TOM1L2: variants seen among roughly 807,000 people sequenced by gnomAD.
TOM1L2 encodes the protein target of myb1 like 2 membrane trafficking protein, also known as TOM1-like protein 2.
TOM1L2 carries 31 observed loss-of-function variants against 67.9 expected under a neutral mutation model. The ratio of observed to expected loss-of-function variants is 0.46; its 90% confidence interval spans 0.34 to 0.62. The LOEUF is 0.62. TOM1L2 is among the 20% of genes least tolerant of loss of function. TOM1L2 has a pLI of 0.01. For missense variants in TOM1L2, 606 were observed against 663.5 expected (o/e 0.91, Z 0.95); for synonymous variants, 256 against 254.0 (o/e 1.01, Z -0.07).
At chr17:17,926,213 C>T (rs933876678) in intron 1 of TOM1L2, among the ~76,000 whole-genome samples, 1 of 151,594 alleles carries the variant, frequency 6.6e-6, no homozygotes, top group Non-Finnish European at 1.5e-5. Context: ...AGCTTTCAAG[C>T]TGGCCTAAAC....
intron 11 of TOM1L2, among the ~76,000 whole-genome samples, 182 bp from the exon 12 acceptor site, chr17:17,861,733 T>C (rs575668904): frequency 6.6e-6 from 1 of 152,284 alleles, no homozygotes; most frequent in East Asian, 1.9e-4. Flanking sequence ...CTCCCTGCAG[T>C]GGATGCTAGG....
chr17:17,951,023 T>G (rs956942011), intron 1 of TOM1L2, among the ~76,000 whole-genome samples: 8 of 152,160 alleles, frequency 5.3e-5, no homozygotes, highest in Non-Finnish European at 7.4e-5. Flanking sequence ...GCAGGATGTC[T>G]CCAGGGATCT....
chr17:17,898,914 C>T (rs1321355397), intron 2 of TOM1L2, among the ~76,000 whole-genome samples: 1 of 152,214 alleles, frequency 6.6e-6, no homozygotes, highest in Non-Finnish European at 1.5e-5. Context: ...CCAATATACA[C>T]CAAACTCAAA....
intron 1 of TOM1L2, among the ~76,000 whole-genome samples, chr17:17,940,336 CA>C (rs1186166339): frequency 4.6e-5 from 7 of 151,190 alleles, no homozygotes; most frequent in African/African-American, 2.4e-5. Context: ...TAGCTTTATA[CA>C]ACCCTATGCA....
chr17:17,912,760 C>T (rs1201826060), intron 1 of TOM1L2, among the ~76,000 whole-genome samples: 1 of 151,834 alleles, frequency 6.6e-6, no homozygotes, highest in African/African-American at 2.4e-5. Flanking sequence ...CAGGCAGAGA[C>T]GCTCCTCACT....
In TOM1L2 at chr17:17,882,756, C is replaced by G; in HGVS notation, c.609G>C (p.Pro203=). The part of the protein sequence containing the change: ...SSPPPAPYSA[P]QAPALSVTGP... ...CAGTCACACTCAGAGCTGGGGCCTG[C>G]GGTGCGGAGTAGGGAGCAGGAGGCG... Residue 203 remains proline, a synonymous_variant, in exon 6 of 15, where the codon CCG becomes CCC. Transcript: ENST00000379504. 6.2e-7 allele frequency: 1 copy of G among 1,614,178 alleles called. No homozygotes were observed. The highest frequency in any genetic ancestry group is 8.5e-7 in the Non-Finnish European group (1 of 1,180,028).
At chr17:17,893,865 T>C in intron 3 of TOM1L2, 55 bp from the exon 4 acceptor site, 1 of 1,576,084 alleles carries the variant, frequency 6.3e-7, no homozygotes, top group Non-Finnish European at 8.6e-7. Context: ...GAGAAGACAC[T>C]GGGAACTGAG....
At chr17:17,915,885 T>C (rs1598331246) in intron 1 of TOM1L2, among the ~76,000 whole-genome samples, 1 of 150,986 alleles carries the variant, frequency 6.6e-6, no homozygotes, top group East Asian at 2.0e-4. Context: ...GAGTTCTTTA[T>C]ATATTCTGAA....
In TOM1L2 at chr17:17,847,506, C is replaced by A. The variant is rs540479331; in HGVS notation, c.*129G>T. The A allele has an allele frequency of 1.1e-5, 14 of 1,269,642 alleles. No homozygotes were observed. The African/African-American group carries it at 1.9e-4, about 18-fold the overall frequency. The allele number at this position is 1,269,642 out of a possible 1,614,324, so 78.6% of individuals were successfully genotyped here. A position where few individuals can be genotyped will look rare whatever the true frequency, so the allele number is the denominator to read the frequency against. On this transcript the variant is annotated 3_prime_UTR_variant, in exon 15 of 15. Coordinates refer to ENST00000379504, the MANE Select transcript of TOM1L2 (RefSeq NM_001082968.2). Reference sequence around the variant, plus strand: ...CTAGTGGGAGGCCTGGGAGCAGACACGGTGGCATTTCCATGGAAACACAGG... The same window carrying A: ...CTAGTGGGAGGCCTGGGAGCAGACAAGGTGGCATTTCCATGGAAACACAGG...
intron 11 of TOM1L2, chr17:17,862,481 C>G: frequency 2.4e-6 from 1 of 425,278 alleles, no homozygotes. Context: ...TTACAACTGA[C>G]AGGAGAAATC....
intron 1 of TOM1L2, among the ~76,000 whole-genome samples, chr17:17,912,834 C>A (rs1353754796): frequency 6.6e-6 from 1 of 151,976 alleles, no homozygotes; most frequent in Non-Finnish European, 1.5e-5. Flanking sequence ...CCAAGGCAGG[C>A]GGCTGGGAGT....
intron 8 of TOM1L2, 53 bp downstream of exon 8, chr17:17,869,287 A>T: frequency 6.3e-7 from 1 of 1,594,124 alleles, no homozygotes; most frequent in South Asian, 1.1e-5. Flanking sequence ...TCCCTCTGTT[A>T]TGGCAACAAT....
At chr17:17,895,567 T>C (rs1318776289) in intron 3 of TOM1L2, among the ~76,000 whole-genome samples, 4 of 152,214 alleles carry the variant, frequency 2.6e-5, no homozygotes, top group African/African-American at 9.7e-5. Context: ...TCCCATGTTT[T>C]AGAGTTAAGA....
chr17:17,957,682 T>C (rs191968214), intron 1 of TOM1L2, among the ~76,000 whole-genome samples: 138 of 151,626 alleles, frequency 9.1e-4, no homozygotes, highest in African/African-American at 3.1e-3. Flanking sequence ...TATATGTATA[T>C]ATTTACCTGT....
chr17:17,970,805 TAAAC>T (rs1208747634), intron 1 of TOM1L2, among the ~76,000 whole-genome samples: 1 of 151,238 alleles, frequency 6.6e-6, no homozygotes, highest in East Asian at 1.9e-4. Context: ...AAGCAGAAAA[TAAAC>T]AAATCACTAC....
intron 13 of TOM1L2, among the ~76,000 whole-genome samples, chr17:17,849,734 G>A (rs1042985934): frequency 1.3e-5 from 2 of 152,178 alleles, no homozygotes; most frequent in African/African-American, 4.8e-5. Flanking sequence ...GACCTGCTAT[G>A]TAGCCTTACT....
intron 2 of TOM1L2, among the ~76,000 whole-genome samples, chr17:17,902,620 G>T (rs1174773330): frequency 6.6e-6 from 1 of 152,256 alleles, no homozygotes; most frequent in African/African-American, 2.4e-5. Flanking sequence ...CTGGACACAG[G>T]GCCTGCAGGG....
At chr17:17,856,631 T>C (rs1037075111) in intron 12 of TOM1L2, among the ~76,000 whole-genome samples, 1 of 152,220 alleles carries the variant, frequency 6.6e-6, no homozygotes, top group Non-Finnish European at 1.5e-5. Context: ...TGTATTCCTC[T>C]CACCCCACCC....
Position 17,926,814 on chromosome 17 carries a change from C to T in TOM1L2, c.53-19283G>A, listed in dbSNP as rs181581388. 1.4e-3 allele frequency among the ~76,000 whole-genome samples: 218 copies of T among 152,136 alleles called. 2 individuals carry two copies. Among genetic ancestry groups the T allele is most frequent in the Admixed American group, 3.2e-3 (49 of 15,286 alleles). Reference sequence around the variant, plus strand: ...CAGAGGTTGCAGTGAGCAAGGATCACACCACTGCACTCCTGTCTGGGCGAC... The same window carrying T: ...CAGAGGTTGCAGTGAGCAAGGATCATACCACTGCACTCCTGTCTGGGCGAC... On this transcript the variant is annotated intron_variant, in intron 1 of 14. Transcript: ENST00000379504.
Sources: gnomAD v4.1 joint callset for allele counts (sites outside exome capture counted in the v4.1 genomes callset) on GRCh38, gnomAD v4.1.1 for gene constraint, MANE v1.5 for transcripts, NCBI Gene and HGNC (gene_info 2026-07-23, HGNC 2026-07-21) for gene names.